The following SHANK2 variants were observed in gnomAD, a reference collection of about 807,000 sequenced individuals.
SHANK2 encodes the protein SH3 and multiple ankyrin repeat domains protein 2.
In SHANK2, 43 loss-of-function variants were observed where a neutral mutation model predicts 133.7. The ratio of observed to expected loss-of-function variants is 0.32; its 90% CI spans 0.25 to 0.41. SHANK2 has a LOEUF of 0.41. Ranked by LOEUF, SHANK2 falls within the 10% of genes least tolerant of loss-of-function variation. The pLI, the probability that SHANK2 is intolerant of heterozygous loss-of-function variation, is 1.00. For missense variants in SHANK2, 1,994 were observed against 2,235.8 expected, an observed-to-expected ratio of 0.89 and a Z score of 2.18; for synonymous variants, 1,017 against 952.8, an observed-to-expected ratio of 1.07 and a Z score of -1.24.
chr11:70,717,400 T>G (rs998848363), intron 14 of SHANK2, among the ~76,000 whole-genome samples: 3 of 152,202 alleles, frequency 2.0e-5, no homozygotes, highest in Non-Finnish European at 4.4e-5. Flanking sequence ...TGGATGCAAC[T>G]GAGAAGCCTG....
intron 10 of SHANK2, among the ~76,000 whole-genome samples, chr11:70,930,290 C>T (rs1232566110): frequency 6.6e-6 from 1 of 152,160 alleles, no homozygotes; most frequent in Non-Finnish European, 1.5e-5. Flanking sequence ...TGCTCTGCTC[C>T]CTCTGCCCAG....
intron 11 of SHANK2, among the ~76,000 whole-genome samples, chr11:70,891,464 T>C (rs1185201301): frequency 6.6e-6 from 1 of 152,152 alleles, no homozygotes; most frequent in Non-Finnish European, 1.5e-5. Flanking sequence ...ATCGCGCCAC[T>C]GCACTCCAGC....
In SHANK2 at chr11:71,092,513, A is replaced by G. The variant is rs1555094285; in HGVS notation, c.821T>C (p.Val274Ala). The change falls in exon 8 of 26, where the codon GTC (valine) becomes GCC (alanine). Residue 274 changes from valine (V) to alanine (A), a missense_variant. Transcript: ENST00000601538. ...GLTPLYHTAI[V>A]GGDPYCCELL... ...CTCGCAGCAGTAGGGATCACCTCCG[A>G]CGATGGCTGTGTGATACAGCGGGGT... The G allele has an allele frequency of 6.4e-7, 1 of 1,551,774 alleles. No homozygotes were observed. Among genetic ancestry groups the G allele is most frequent in the South Asian group, 1.2e-5 (1 of 84,058 alleles).
At chr11:71,063,395 C>A (rs1014491788) in intron 9 of SHANK2, among the ~76,000 whole-genome samples, 7 of 152,152 alleles carry the variant, frequency 4.6e-5, no homozygotes, top group Non-Finnish European at 1.0e-4. Flanking sequence ...ACAATGATAC[C>A]TCCATGTATG....
At chr11:70,864,322 A>G (rs1949315568) in intron 11 of SHANK2, 1 of 159,216 alleles carries the variant, frequency 6.3e-6, no homozygotes, top group Non-Finnish European at 1.4e-5. Flanking sequence ...AAAAGAAAGG[A>G]GAGAAAAGCA....
intron 6 of SHANK2, among the ~76,000 whole-genome samples, chr11:71,102,557 G>T (rs1277654162): frequency 6.6e-6 from 1 of 152,170 alleles, no homozygotes; most frequent in Non-Finnish European, 1.5e-5. Context: ...CTGTCCCCTG[G>T]GTGGCTTTGA....
intron 2 of SHANK2, among the ~76,000 whole-genome samples, chr11:71,192,109 C>T (rs1008948807): frequency 6.6e-6 from 1 of 152,204 alleles, no homozygotes; most frequent in African/African-American, 2.4e-5. Flanking sequence ...GATCCATCCA[C>T]CTCACCCTCC....
chr11:70,487,314 C>G lies in SHANK2; in HGVS notation c.2979G>C (p.Gly993=). ...CGTAGACGGCTTTGCTGGCGATCTTCCCCACCTCTGAGTATGGGTTTTCTG... is the reference window on the plus strand; with the variant it reads ...CGTAGACGGCTTTGCTGGCGATCTTGCCCACCTCTGAGTATGGGTTTTCTG... ...QMPENPYSEV[G]KIASKAVYVP... The change falls in exon 25 of 26, where the codon GGG becomes GGC. Residue 993 remains glycine (G), a synonymous_variant. Transcript: ENST00000601538. The surrounding 1 kb of genome is among the most constrained non-coding windows in gnomAD (Gnocchi z 5.8). 1 of 1,614,202 alleles carries G rather than the reference C, an allele frequency of 6.2e-7. No individual in the cohort carries two copies. Among genetic ancestry groups the G allele is most frequent in the Non-Finnish European group, 8.5e-7 (1 of 1,180,042 alleles).
intron 15 of SHANK2, among the ~76,000 whole-genome samples, chr11:70,675,042 A>G (rs1380658441): frequency 1.3e-5 from 2 of 152,202 alleles, no homozygotes; most frequent in Admixed American, 1.3e-4. Context: ...GGCTTGATGT[A>G]ACACCTGAGC....
chr11:70,881,562 T>TAATAA (rs1565380917), intron 11 of SHANK2, among the ~76,000 whole-genome samples: 107 of 24,056 alleles, frequency 4.4e-3, no homozygotes, highest in South Asian at 0.012. Context: ...AATAATAATA[T>TAATAA]TAATAATAAT....
intron 14 of SHANK2, among the ~76,000 whole-genome samples, chr11:70,724,325 C>T (rs1488570673): frequency 1.3e-5 from 2 of 152,254 alleles, no homozygotes; most frequent in East Asian, 1.9e-4. Flanking sequence ...AATGAGCCAC[C>T]GTGCCTGGCT....
intron 10 of SHANK2, among the ~76,000 whole-genome samples, chr11:70,906,126 G>T (rs1227874936): frequency 6.6e-6 from 1 of 152,196 alleles, no homozygotes; most frequent in Admixed American, 6.5e-5. Flanking sequence ...ATTTTGTGAT[G>T]TGACAGCCTG....
Position 71,191,548 on chromosome 11 carries a change from CTCT to C in SHANK2, c.-13+33146_-13+33148del, listed in dbSNP as rs1353429795. On this transcript the variant is annotated intron_variant, in intron 2 of 25. Coordinates refer to ENST00000601538, the MANE Select transcript of SHANK2 (RefSeq NM_012309.5). ...GGGTCATCTGTTTCCTCATCTCCTC[CTCT>C]GTTTTTTGTTTTGTTTTGTTTGGAG... Among the ~76,000 whole-genome samples the C allele has an allele frequency of 3.3e-5, 5 of 152,190 alleles. No homozygotes were observed. In the East Asian group the frequency reaches 9.7e-4, roughly 29 times the overall value.
chr11:70,942,482 T>A (rs1177697846), intron 10 of SHANK2: 1 of 452,696 alleles, frequency 2.2e-6, no homozygotes, highest in Non-Finnish European at 4.4e-6. Context: ...TCATGAGGGA[T>A]CTGCCCCAGA....
chr11:70,940,308 G>A (rs150858692), intron 10 of SHANK2, among the ~76,000 whole-genome samples: 9,622 of 135,290 alleles, frequency 0.071, 692 homozygotes, highest in African/African-American at 0.19. Flanking sequence ...GTGCAGTGGC[G>A]CGATCTCGGC....
At chr11:71,132,992 C>T (rs1412944735) in intron 3 of SHANK2, among the ~76,000 whole-genome samples, 1 of 152,170 alleles carries the variant, frequency 6.6e-6, no homozygotes. Context: ...TTAATGAAAC[C>T]ACAATCAGAT....
chr11:70,816,690 C>T (rs1455944135), intron 12 of SHANK2, among the ~76,000 whole-genome samples: 1 of 152,184 alleles, frequency 6.6e-6, no homozygotes, highest in Non-Finnish European at 1.5e-5. Context: ...CCTCCTGGAG[C>T]CTCCAAAAGG....
At chr11:70,927,673 C>G (rs967558720) in intron 10 of SHANK2, among the ~76,000 whole-genome samples, 2 of 152,128 alleles carry the variant, frequency 1.3e-5, no homozygotes, top group Non-Finnish European at 2.9e-5. Context: ...TTTTATGCAT[C>G]ACCTTGACTG....
chr11:71,153,483 G>A (rs1382564751), intron 2 of SHANK2, among the ~76,000 whole-genome samples: 1 of 152,098 alleles, frequency 6.6e-6, no homozygotes, highest in African/African-American at 2.4e-5. Flanking sequence ...ATCTTCAACT[G>A]GCTCATTCGT....
Sources: allele counts gnomAD v4.1 joint callset (sites outside exome capture counted in the v4.1 genomes callset), GRCh38; gene constraint gnomAD v4.1.1; non-coding constraint Gnocchi (gnomAD v3.1); transcripts MANE v1.5; gene names NCBI Gene and HGNC (gene_info 2026-07-23, HGNC 2026-07-21).